Variants in WIPF1 observed in about 807,000 individuals in gnomAD.
The protein encoded by WIPF1 is WAS/WASL-interacting protein family member 1.
In WIPF1, 13 loss-of-function variants were observed where a neutral mutation model predicts 35.4. The ratio of observed to expected loss-of-function variants is 0.37; its 90% CI spans 0.24 to 0.58. The LOEUF (loss-of-function observed/expected upper bound fraction) is 0.58, where lower values mean the gene tolerates loss of function less well. Ranked by LOEUF, WIPF1 falls within the 20% of genes least tolerant of loss-of-function variation. WIPF1 has a pLI of 0.74. For synonymous variants in WIPF1, 267 were observed against 266.3 expected (o/e 1.00, Z -0.02); for missense variants, 591 against 667.0 (o/e 0.89, Z 1.25).
At chr2:174,655,112 G>C (rs1687614617) in intron 1 of WIPF1, among the ~76,000 whole-genome samples, 1 of 152,082 alleles carries the variant, frequency 6.6e-6, no homozygotes, top group Admixed American at 6.5e-5. Flanking sequence ...ATGAGACCAT[G>C]ACTGGCTGCC....
intron 1 of WIPF1, among the ~76,000 whole-genome samples, chr2:174,649,371 A>C (rs2105959029): frequency 6.6e-6 from 1 of 152,310 alleles, no homozygotes; most frequent in South Asian, 2.1e-4. Context: ...ACAAGGGTTC[A>C]GTCAGGAAAA....
intron 1 of WIPF1, among the ~76,000 whole-genome samples, chr2:174,606,573 G>A (rs1686170811): frequency 6.6e-6 from 1 of 152,124 alleles, no homozygotes; most frequent in African/African-American, 2.4e-5. Flanking sequence ...CTTAACAGAT[G>A]TTCAATCAAT....
intron 1 of WIPF1, among the ~76,000 whole-genome samples, chr2:174,597,187 T>C (rs1201345365): frequency 6.6e-6 from 1 of 152,240 alleles, no homozygotes. Flanking sequence ...GTATTTTCGT[T>C]TGAAGCTTCC....
At chr2:174,580,985 G>T (rs1304122107) in intron 3 of WIPF1, among the ~76,000 whole-genome samples, 1 of 152,174 alleles carries the variant, frequency 6.6e-6, no homozygotes, top group East Asian at 1.9e-4. Context: ...CCAAGGCTAG[G>T]GCTCTTTCCA....
chr2:174,652,351 T>G (rs577358194), intron 1 of WIPF1, among the ~76,000 whole-genome samples: 1 of 152,350 alleles, frequency 6.6e-6, no homozygotes, highest in East Asian at 1.9e-4. Flanking sequence ...TTACAGAATA[T>G]GAGCCACTAA....
At chr2:174,585,775 A>C (rs1451032747) in intron 1 of WIPF1, among the ~76,000 whole-genome samples, 164 bp from the exon 2 acceptor site, 2 of 152,208 alleles carry the variant, frequency 1.3e-5, no homozygotes, top group Non-Finnish European at 2.9e-5. Context: ...TTCTGGAAGG[A>C]TCCCGGCAGA....
At chr2:174,604,582 GA>G (rs59992744) in intron 1 of WIPF1, among the ~76,000 whole-genome samples, 12 of 151,412 alleles carry the variant, frequency 7.9e-5, no homozygotes, top group Admixed American at 4.6e-4. Flanking sequence ...TAAAATAGTG[GA>G]AAAAAAACTA....
chr2:174,658,387 G>T (rs1201642602), intron 1 of WIPF1, among the ~76,000 whole-genome samples: 1 of 152,166 alleles, frequency 6.6e-6, no homozygotes, highest in African/African-American at 2.4e-5. Flanking sequence ...GTAGATGAAT[G>T]ATAAAAGTGA....
chr2:174,664,989 T>C (rs933615800), intron 1 of WIPF1, among the ~76,000 whole-genome samples: 7 of 152,164 alleles, frequency 4.6e-5, no homozygotes, highest in Non-Finnish European at 1.5e-5. Context: ...TTTATTAACA[T>C]TAATAATATT....
rs1373699161 is a variant in WIPF1, at chr2:174,622,742, T to C, written c.-38-37131A>G. Among the ~76,000 whole-genome samples, 1 of 152,238 alleles carries C rather than the reference T, an allele frequency of 6.6e-6. No homozygotes were observed. Among genetic ancestry groups the C allele is most frequent in the Non-Finnish European group, 1.5e-5 (1 of 68,040 alleles). On this transcript the variant is annotated intron_variant, in intron 1 of 8. Coordinates refer to the WIPF1 transcript ENST00000272746. The surrounding 1 kb of genome is among the most constrained non-coding windows in gnomAD (Gnocchi z 5.1). ...ATTTTATATGGCAACCTGTATTAAC[T>C]ATAAGGAAATTCTTAACAATTTTTA...
At chr2:174,660,512 T>A (rs1219134559) in intron 1 of WIPF1, among the ~76,000 whole-genome samples, 2 of 152,088 alleles carry the variant, frequency 1.3e-5, no homozygotes, top group Non-Finnish European at 1.5e-5. Context: ...ACAGCTGGGT[T>A]CACCCTAGGG....
At chr2:174,645,062 C>T (rs1687377703) in intron 1 of WIPF1, among the ~76,000 whole-genome samples, 1 of 152,076 alleles carries the variant, frequency 6.6e-6, no homozygotes, top group Admixed American at 6.6e-5. Context: ...AAAGGTATAG[C>T]AAGTAAACCT....
intron 4 of WIPF1, 68 bp downstream of exon 4, chr2:174,575,136 G>A: frequency 3.3e-6 from 5 of 1,511,536 alleles, no homozygotes; most frequent in Non-Finnish European, 4.5e-6. Flanking sequence ...TAGAGGCTAT[G>A]ACCAGCCTCC....
At chr2:174,626,915 A>G (rs773148771) in intron 1 of WIPF1, among the ~76,000 whole-genome samples, 37 of 152,000 alleles carry the variant, frequency 2.4e-4, no homozygotes, top group Non-Finnish European at 3.7e-4. Context: ...TTGGATCAAA[A>G]TCCTCCCCTC....
At chr2:174,599,163 C>T (rs1481229737), upstream of WIPF1, among the ~76,000 whole-genome samples, 1 of 152,078 alleles carries the variant, frequency 6.6e-6, no homozygotes, top group African/African-American at 2.4e-5. Flanking sequence ...GAGTAATTTT[C>T]AACTCAGGTA....
chr2:174,661,054 G>A (rs12470024), intron 1 of WIPF1, among the ~76,000 whole-genome samples: 37,106 of 152,090 alleles, frequency 0.24, 6,248 homozygotes, highest in East Asian at 0.68. Flanking sequence ...ACTGCAGTCC[G>A]GCTCACAGCA....
chr2:174,611,546 C>T (rs1309028536), intron 1 of WIPF1, among the ~76,000 whole-genome samples: 1 of 152,134 alleles, frequency 6.6e-6, no homozygotes, highest in Non-Finnish European at 1.5e-5. Flanking sequence ...CTGGGGCTCC[C>T]CAGCCTCAGC....
At chr2:174,621,798 G>A (rs1395331777) in intron 1 of WIPF1, among the ~76,000 whole-genome samples, 2 of 151,744 alleles carry the variant, frequency 1.3e-5, no homozygotes, top group Non-Finnish European at 2.9e-5. Flanking sequence ...TCATGACCCA[G>A]GCCATCTCAA....
At chr2:174,607,102 C>G (rs1686189648) in intron 1 of WIPF1, among the ~76,000 whole-genome samples, 1 of 152,124 alleles carries the variant, frequency 6.6e-6, no homozygotes, top group Admixed American at 6.5e-5. Flanking sequence ...GACATTAATT[C>G]ATTTATAAGG....
Sources: allele counts gnomAD v4.1 joint callset (sites outside exome capture counted in the v4.1 genomes callset), GRCh38; gene constraint gnomAD v4.1.1; non-coding constraint Gnocchi (gnomAD v3.1); transcripts MANE v1.5; gene names NCBI Gene and HGNC (gene_info 2026-07-23, HGNC 2026-07-21).